The following NETO1 variants were observed in gnomAD, a reference collection of about 807,000 sequenced individuals.
The protein encoded by NETO1 is neuropilin and tolloid-like protein 1.
A neutral mutation model predicts 61.3 loss-of-function variants in NETO1; 26 were observed. The ratio of observed to expected loss-of-function variants is 0.42; its 90% CI spans 0.31 to 0.59. NETO1 has a LOEUF of 0.59. NETO1 is among the 20% of genes least tolerant of loss of function. The pLI is 0.12. For synonymous variants in NETO1, 225 were observed against 225.8 expected (o/e 1.00, Z 0.03); for missense variants, 531 against 662.8 (o/e 0.80, Z 2.18).
At chr18:72,749,481 C>G (rs1568167356) in intron 9 of NETO1, among the ~76,000 whole-genome samples, 2 of 152,062 alleles carry the variant, frequency 1.3e-5, no homozygotes, top group Non-Finnish European at 2.9e-5. Flanking sequence ...CTATTTCTTA[C>G]AACATTTAAG....
At chr18:72,828,951 C>G (rs933015261) in intron 4 of NETO1, among the ~76,000 whole-genome samples, 1 of 137,948 alleles carries the variant, frequency 7.2e-6, no homozygotes. Flanking sequence ...AGAATTTAGT[C>G]TCCAAGAGAA....
chr18:72,779,237 C>T (rs1488858357), intron 7 of NETO1, among the ~76,000 whole-genome samples: 1 of 151,524 alleles, frequency 6.6e-6, no homozygotes, highest in Non-Finnish European at 1.5e-5. Flanking sequence ...CTATAAGGCA[C>T]ATATTGGATG....
intron 4 of NETO1, among the ~76,000 whole-genome samples, chr18:72,817,637 G>A (rs757883963): frequency 3.9e-5 from 6 of 152,360 alleles, no homozygotes; most frequent in African/African-American, 9.6e-5. Context: ...TATTAATACC[G>A]AATGCCTAAT....
chr18:72,851,868 G>A (rs1461176207), intron 4 of NETO1, among the ~76,000 whole-genome samples: 1 of 152,192 alleles, frequency 6.6e-6, no homozygotes, highest in East Asian at 1.9e-4. Context: ...TGTAGAAGGT[G>A]TATCAGCACC....
intron 10 of NETO1, chr18:72,748,431 T>A: frequency 6.7e-6 from 2 of 297,382 alleles, no homozygotes; most frequent in Non-Finnish European, 9.9e-6. Flanking sequence ...CAACTGGGAT[T>A]AATGAAACCT....
intron 3 of NETO1, among the ~76,000 whole-genome samples, chr18:72,864,513 C>T (rs1177080862): frequency 1.3e-5 from 2 of 152,196 alleles, no homozygotes; most frequent in Non-Finnish European, 2.9e-5. Flanking sequence ...GCCAACTATG[C>T]GTCCATTCTA....
chr18:72,829,276 T>G (rs2073494585), intron 4 of NETO1, among the ~76,000 whole-genome samples: 1 of 152,160 alleles, frequency 6.6e-6, no homozygotes, highest in Non-Finnish European at 1.5e-5. Flanking sequence ...GAAATTTAAG[T>G]CTCAAAACAC....
intron 3 of NETO1, among the ~76,000 whole-genome samples, chr18:72,861,805 T>C (rs957306765): frequency 4.0e-4 from 61 of 152,336 alleles, no homozygotes; most frequent in African/African-American, 1.4e-3. Flanking sequence ...TAGAATTAAA[T>C]ATGTGCAATC....
intron 6 of NETO1, among the ~76,000 whole-genome samples, chr18:72,791,021 G>C (rs894982671): frequency 1.3e-5 from 2 of 152,076 alleles, no homozygotes; most frequent in African/African-American, 4.8e-5. Context: ...ACACTCCTTT[G>C]TTAACGCCTA....
intron 4 of NETO1, among the ~76,000 whole-genome samples, chr18:72,837,400 A>G (rs1209957628): frequency 6.6e-6 from 1 of 152,214 alleles, no homozygotes; most frequent in Non-Finnish European, 1.5e-5. Flanking sequence ...TCAGTAAAAT[A>G]AAAACTGAGT....
intron 4 of NETO1, 122 bp downstream of exon 4, chr18:72,858,704 G>T: frequency 4.0e-6 from 4 of 998,614 alleles, no homozygotes; most frequent in Non-Finnish European, 5.7e-6. Flanking sequence ...CTGTAGATTT[G>T]GTTTTAAATA....
At position 72,830,173 on chromosome 18, in the gene NETO1, G is replaced by A. The variant is rs778091256; in HGVS notation, c.469+28653C>T. Among the ~76,000 whole-genome samples the A allele has an allele frequency of 2.6e-5, 4 of 152,082 alleles. No individual in the cohort carries two copies. The highest frequency in any genetic ancestry group is 6.6e-5 in the Admixed American group (1 of 15,256). ...TCATAGAGGATCATGCATGTAAGCC[G>A]TCCACAGCATAGAGGAAGCGGCGGC... On this transcript the variant is annotated intron_variant, in intron 4 of 10. Coordinates refer to ENST00000327305, the MANE Select transcript of NETO1 (RefSeq NM_138966.5). The surrounding 1 kb of genome is among the most constrained non-coding windows in gnomAD (Gnocchi z 4.9).
At chr18:72,779,705 G>A (rs1274101175) in intron 7 of NETO1, among the ~76,000 whole-genome samples, 1 of 152,136 alleles carries the variant, frequency 6.6e-6, no homozygotes, top group East Asian at 1.9e-4. Flanking sequence ...AATAATGGTA[G>A]AATTCTGCAT....
At chr18:72,774,023 T>G (rs534553492) in intron 7 of NETO1, among the ~76,000 whole-genome samples, 10 of 152,180 alleles carry the variant, frequency 6.6e-5, no homozygotes, top group African/African-American at 2.2e-4. Context: ...CTAAATGCAT[T>G]ATCTCATTTT....
At chr18:72,837,136 A>C (rs2073775669) in intron 4 of NETO1, among the ~76,000 whole-genome samples, 1 of 152,202 alleles carries the variant, frequency 6.6e-6, no homozygotes, top group Admixed American at 6.5e-5. Flanking sequence ...TATTGTTCAC[A>C]AGAGAATATT....
In NETO1 at chr18:72,821,964, T is replaced by C. The variant is rs143929004; in HGVS notation, c.470-27560A>G. Among the ~76,000 whole-genome samples the C allele has an allele frequency of 1.8e-3, 281 of 152,302 alleles. 2 individuals are homozygous for C. Among genetic ancestry groups the C allele is most frequent in the Admixed American group, 3.9e-3 (60 of 15,302 alleles). Reference sequence around the variant, plus strand: ...TTGTTAATTTTCAAAAACTGCCCTATGCAGGTGGGAGTGGGGCCACTGAGG... The same window carrying C: ...TTGTTAATTTTCAAAAACTGCCCTACGCAGGTGGGAGTGGGGCCACTGAGG... On this transcript the variant is annotated intron_variant, in intron 4 of 10. Coordinates refer to ENST00000327305, the MANE Select transcript of NETO1 (RefSeq NM_138966.5).
At chr18:72,766,818 C>CATTATTATCATAAT (rs2071180307) in intron 7 of NETO1, among the ~76,000 whole-genome samples, 1 of 151,722 alleles carries the variant, frequency 6.6e-6, no homozygotes, top group African/African-American at 2.4e-5. Flanking sequence ...TGAATTTATC[C>CATTATTATCATAAT]GTTATTATCA....
At position 72,867,950 on chromosome 18, in the gene NETO1, C is replaced by A. The variant is rs2074790354; in HGVS notation, c.-659G>T. ...AAGGCAGGAAGAAGGGGTCCGTCATCGGCTCGCCGGGCTGCGCGCCACCTC... is the reference window on the plus strand; with the variant it reads ...AAGGCAGGAAGAAGGGGTCCGTCATAGGCTCGCCGGGCTGCGCGCCACCTC... On this transcript the variant is annotated 5_prime_UTR_variant, in exon 1 of 11. Coordinates refer to ENST00000327305, the MANE Select transcript of NETO1 (RefSeq NM_138966.5). The A allele has an allele frequency of 6.7e-6, 1 of 150,198 alleles. No individual in the cohort carries two copies. Among genetic ancestry groups the A allele is most frequent in the South Asian group, 2.1e-4 (1 of 4,824 alleles). The allele number at this position is 150,198 out of a possible 1,614,324, so 9.3% of individuals were successfully genotyped here.
At chr18:72,862,094 T>C (rs112834654) in intron 3 of NETO1, among the ~76,000 whole-genome samples, 2,501 of 152,264 alleles carry the variant, frequency 0.016, 47 homozygotes, top group African/African-American at 0.052. Context: ...TGTCCCTCTC[T>C]TATGTGTTAT....
Sources: allele counts gnomAD v4.1 joint callset (sites outside exome capture counted in the v4.1 genomes callset), GRCh38; gene constraint gnomAD v4.1.1; non-coding constraint Gnocchi (gnomAD v3.1); transcripts MANE v1.5; gene names NCBI Gene and HGNC (gene_info 2026-07-23, HGNC 2026-07-21).